PPP1R13B: variants seen among roughly 807,000 people sequenced by gnomAD.
PPP1R13B encodes the protein protein phosphatase 1 regulatory subunit 13B.
Under a neutral mutation model 119.8 loss-of-function variants are expected in PPP1R13B, and 44 were observed. The observed-to-expected ratio is 0.37, with a 90% confidence interval of 0.29 to 0.47. The LOEUF (loss-of-function observed/expected upper bound fraction) is 0.47. Among genes scored for constraint, PPP1R13B ranks in the 20% least tolerant of loss-of-function variants. The probability of loss-of-function intolerance (pLI) is 0.99; values close to 1 mark genes in which losing one functional copy is unlikely to be tolerated. For synonymous variants in PPP1R13B, 542 were observed against 561.5 expected (o/e 0.97, Z 0.49); for missense variants, 1,227 against 1,413.5 (o/e 0.87, Z 2.12).
chr14:103,756,075 C>T (rs187706900), intron 5 of PPP1R13B, among the ~76,000 whole-genome samples: 1 of 151,854 alleles, frequency 6.6e-6, no homozygotes, highest in Admixed American at 6.6e-5. Flanking sequence ...ATCTTTAAAG[C>T]CAGTTTGGAA....
At chr14:103,771,033 TACA>T (rs1595749996) in intron 4 of PPP1R13B, among the ~76,000 whole-genome samples, 1 of 152,050 alleles carries the variant, frequency 6.6e-6, no homozygotes, top group East Asian at 1.9e-4. Context: ...TGCGAAGACC[TACA>T]ACCTCAATGT....
rs761446386 is a variant in PPP1R13B at position 103,735,172 on chromosome 14, T to C, written c.3255A>G (p.Arg1085=). The C allele has an allele frequency of 2.5e-6, 4 of 1,614,130 alleles. No individual in the cohort carries two copies. The East Asian group carries it at 8.9e-5, about 36-fold the overall frequency. ...AGGAAGTTCAGGCGAGTGTTCGCTG[T>C]CGGGGTTTGATCCGTGGATACAGCT... The part of the protein sequence containing the change: ...LLGLYPRIKP[R]QRTLA Residue 1085 remains arginine (R), a synonymous_variant, in exon 17 of 17, where the codon CGA becomes CGG. Transcript: ENST00000202556.
chr14:103,787,993 G>T (rs1225472107), intron 2 of PPP1R13B, among the ~76,000 whole-genome samples: 1 of 151,726 alleles, frequency 6.6e-6, no homozygotes, highest in Non-Finnish European at 1.5e-5. Flanking sequence ...CACATCCATA[G>T]TCCCAGCGAC....
intron 1 of PPP1R13B, among the ~76,000 whole-genome samples, chr14:103,844,636 G>C (rs2086986414): frequency 6.6e-6 from 1 of 152,070 alleles, no homozygotes; most frequent in African/African-American, 2.4e-5. Flanking sequence ...GGCTGGGGCA[G>C]GAGAATCTCT....
At chr14:103,769,108 T>C (rs1359098052) in intron 4 of PPP1R13B, among the ~76,000 whole-genome samples, 2 of 152,194 alleles carry the variant, frequency 1.3e-5, no homozygotes, top group African/African-American at 2.4e-5. Flanking sequence ...TTTTTTGAGA[T>C]GGAGTCTCGC....
intron 1 of PPP1R13B, among the ~76,000 whole-genome samples, chr14:103,845,838 T>C (rs189470288): frequency 3.4e-4 from 52 of 152,282 alleles, no homozygotes; most frequent in Admixed American, 2.8e-3. Flanking sequence ...GGGAGGGAAG[T>C]TTCCAAATGC....
At chr14:103,847,620 C>T (rs2152094632), upstream of PPP1R13B, 1 of 986,064 alleles carries the variant, frequency 1.0e-6, no homozygotes, top group African/African-American at 1.7e-5. Flanking sequence ...GCAGGCCCCG[C>T]CCCCAGCGCG....
rs373571008 is a variant in PPP1R13B, at chr14:103,763,221, G to T, written c.355-5470C>A. On this transcript the variant is annotated intron_variant, in intron 4 of 16. Coordinates refer to ENST00000202556, the MANE Select transcript of PPP1R13B (RefSeq NM_015316.3). ...TGTGTCCATGAAATAGGGTTGAAAG[G>T]TTGACTTGGAACTCAGTGGGCCTGT... 3.5e-3 allele frequency: 1,960 copies of T among 552,842 alleles called. 9 individuals carry two copies. The highest frequency in any genetic ancestry group is 7.4e-3 in the African/African-American group (389 of 52,432). 34.2% of individuals were successfully genotyped at this position (552,842 alleles called of 1,614,324 possible).
At chr14:103,748,111 A>ACGTG (rs1555433758) in intron 8 of PPP1R13B, among the ~76,000 whole-genome samples, 2 of 138,532 alleles carry the variant, frequency 1.4e-5, no homozygotes, top group Non-Finnish European at 3.2e-5. Flanking sequence ...ACACACACAC[A>ACGTG]CACGTGCACG....
rs73365053 is a variant in PPP1R13B at position 103,766,311 on chromosome 14, A to G, written c.355-8560T>C. ...GCGTCATCCACCGTGCCTGGCCCCT[A>G]GGAGGAAAATTCTTAAGCTTATTTT... On this transcript the variant is annotated intron_variant, in intron 4 of 16. Transcript: ENST00000202556. 8.2e-3 allele frequency among the ~76,000 whole-genome samples: 1,246 copies of G among 152,118 alleles called. 16 individuals carry two copies. Among genetic ancestry groups the G allele is most frequent in the African/African-American group, 0.028 (1,146 of 41,494 alleles).
chr14:103,811,094 CAAAAAAAAAAAA>C (rs36017203), intron 1 of PPP1R13B, among the ~76,000 whole-genome samples: 3 of 65,880 alleles, frequency 4.6e-5, no homozygotes, highest in African/African-American at 1.1e-4. Flanking sequence ...GACTCCTCCT[CAAAAAAAAAAAA>C]AAAAAAAAAA....
At chr14:103,762,840 A>G in intron 4 of PPP1R13B, 1 of 1,014,842 alleles carries the variant, frequency 9.9e-7, no homozygotes, top group South Asian at 1.4e-5. Flanking sequence ...GAATCACCAA[A>G]AGCAGGGAAG....
At chr14:103,769,451 G>C (rs2085014371) in intron 4 of PPP1R13B, among the ~76,000 whole-genome samples, 1 of 151,932 alleles carries the variant, frequency 6.6e-6, no homozygotes, top group Admixed American at 6.6e-5. Context: ...TGTTACCCAG[G>C]CTGGTCTCAA....
chr14:103,818,542 C>A (rs2086331113), intron 1 of PPP1R13B: 1 of 966,078 alleles, frequency 1.0e-6, no homozygotes, highest in Admixed American at 6.2e-5. Context: ...AATCATACAC[C>A]AGTTGATTTC....
chr14:103,797,366 C>T lies in PPP1R13B; in HGVS notation c.157+5G>A. On this transcript the variant is annotated splice_donor_5th_base_variant and intron_variant, in intron 2 of 16. Coordinates refer to ENST00000202556, the MANE Select transcript of PPP1R13B (RefSeq NM_015316.3). Reference sequence around the variant, plus strand: ...GTAACAATCTTTACAGGACCTAATACATACCATTTCCCCTCCACACTTCAG... The same window carrying T: ...GTAACAATCTTTACAGGACCTAATATATACCATTTCCCCTCCACACTTCAG... The T allele has an allele frequency of 1.2e-6, 2 of 1,613,418 alleles. No individual in the cohort carries two copies. The highest frequency in any genetic ancestry group is 2.2e-5 in the South Asian group (2 of 90,930).
chr14:103,798,311 C>G (rs2085811000), intron 1 of PPP1R13B, among the ~76,000 whole-genome samples: 1 of 151,822 alleles, frequency 6.6e-6, no homozygotes, highest in Non-Finnish European at 1.5e-5. Context: ...GCCACCACGC[C>G]CGGCTAATTT....
In PPP1R13B at chr14:103,739,036, A is replaced by G; in HGVS notation, c.2593-13T>C. On this transcript the variant is annotated splice_polypyrimidine_tract_variant and intron_variant, in intron 12 of 16. Coordinates refer to ENST00000202556, the MANE Select transcript of PPP1R13B (RefSeq NM_015316.3). Reference sequence around the variant, plus strand: ...TGGTCCGCTTGTTCTGTTGGGAAGGAAGCACGCTTTCCAGTTAAAGGTGGT... The same window carrying G: ...TGGTCCGCTTGTTCTGTTGGGAAGGGAGCACGCTTTCCAGTTAAAGGTGGT... 1 of 1,608,532 alleles carries G rather than the reference A, an allele frequency of 6.2e-7. No individual in the cohort carries two copies. Among genetic ancestry groups the G allele is most frequent in the Non-Finnish European group, 8.5e-7 (1 of 1,176,628 alleles).
intron 1 of PPP1R13B, among the ~76,000 whole-genome samples, chr14:103,807,405 G>A (rs2086041958): frequency 6.6e-6 from 1 of 152,216 alleles, no homozygotes; most frequent in South Asian, 2.1e-4. Flanking sequence ...CTTGAGAGCA[G>A]AGTTTCAGTT....
chr14:103,810,986 AG>A (rs2086140010), intron 1 of PPP1R13B, among the ~76,000 whole-genome samples: 1 of 148,916 alleles, frequency 6.7e-6, no homozygotes, highest in South Asian at 2.2e-4. Flanking sequence ...CACCTAACTC[AG>A]GAGGCTGAAG....
Sources: gnomAD v4.1 joint callset for allele counts (sites outside exome capture counted in the v4.1 genomes callset) on GRCh38, gnomAD v4.1.1 for gene constraint, MANE v1.5 for transcripts, NCBI Gene and HGNC (gene_info 2026-07-23, HGNC 2026-07-21) for gene names.